XRN1: variants seen among roughly 807,000 people sequenced by gnomAD.
The protein encoded by XRN1 is strand-exchange protein 1 homolog.
XRN1 carries 67 observed loss-of-function variants against 222.3 expected under a neutral mutation model. The observed-to-expected ratio is 0.30, with a 90% CI of 0.25 to 0.37. The LOEUF (loss-of-function observed/expected upper bound fraction) is 0.37. Ranked by LOEUF, XRN1 falls within the 10% of genes least tolerant of loss-of-function variation. The pLI, the probability that XRN1 is intolerant of heterozygous loss-of-function variation, is 1.00. For synonymous variants in XRN1, 643 were observed against 652.4 expected (o/e 0.99, Z 0.22); for missense variants, 1,707 against 2,000.2 (o/e 0.85, Z 2.80).
At chr3:142,366,369 A>C (rs1364115513) in intron 27 of XRN1, among the ~76,000 whole-genome samples, 7 of 152,224 alleles carry the variant, frequency 4.6e-5, no homozygotes, top group African/African-American at 1.2e-4. Flanking sequence ...ATGTATTTAC[A>C]TACTATAAAA....
intron 32 of XRN1, 96 bp from the exon 33 acceptor site, chr3:142,347,438 A>C (rs1559804145): frequency 2.5e-6 from 2 of 805,340 alleles, no homozygotes; most frequent in Non-Finnish European, 3.6e-6. Context: ...TAAAAATTAT[A>C]TAGTTCCTTA....
intron 27 of XRN1, 54 bp downstream of exon 27, chr3:142,370,431 T>C (rs2066953292): frequency 1.4e-5 from 21 of 1,550,758 alleles, no homozygotes; most frequent in Admixed American, 8.5e-5. Context: ...TTGTAAAGTA[T>C]AGTCCATTTA....
chr3:142,327,464 T>C (rs1292096600), intron 37 of XRN1, among the ~76,000 whole-genome samples: 1 of 152,078 alleles, frequency 6.6e-6, no homozygotes. Flanking sequence ...TCATCTCTGA[T>C]TTTATTCATA....
At chr3:142,410,487 G>GTATTT (rs2068523793) in intron 15 of XRN1, among the ~76,000 whole-genome samples, 1 of 68,072 alleles carries the variant, frequency 1.5e-5, no homozygotes, top group Non-Finnish European at 2.6e-5. Flanking sequence ...TCTATCTCAT[G>GTATTT]TTTTTTTTTT....
At chr3:142,340,815 A>ATT (rs1403480529) in intron 33 of XRN1, among the ~76,000 whole-genome samples, 1 of 152,224 alleles carries the variant, frequency 6.6e-6, no homozygotes, top group Non-Finnish European at 1.5e-5. Context: ...CTATAATAGT[A>ATT]TATCTGACAA....
chr3:142,343,399 AGCTGAGATCGCACCATT>A (rs2066052871), intron 33 of XRN1, among the ~76,000 whole-genome samples: 1 of 152,012 alleles, frequency 6.6e-6, no homozygotes, highest in Non-Finnish European at 1.5e-5. Flanking sequence ...GATTTCAGTG[AGCTGAGATCGCACCATT>A]GCACTCCAGC....
intron 15 of XRN1, among the ~76,000 whole-genome samples, chr3:142,408,195 C>T (rs2068423790): frequency 6.6e-6 from 1 of 152,230 alleles, no homozygotes; most frequent in Admixed American, 6.5e-5. Context: ...CTTTTTGACA[C>T]TGTCAACACT....
At chr3:142,321,308 A>G (rs746042466) in intron 37 of XRN1, among the ~76,000 whole-genome samples, 2 of 151,830 alleles carry the variant, frequency 1.3e-5, no homozygotes, top group East Asian at 3.9e-4. Context: ...TTTAGTAGAG[A>G]CAGGGTTTCA....
chr3:142,356,542 T>C (rs1207398977), intron 31 of XRN1, among the ~76,000 whole-genome samples: 1 of 152,210 alleles, frequency 6.6e-6, no homozygotes, highest in African/African-American at 2.4e-5. Context: ...AAACGTGATA[T>C]AATCCTTGCC....
At chr3:142,382,506 C>T (rs1443707754) in intron 22 of XRN1, among the ~76,000 whole-genome samples, 5 of 152,146 alleles carry the variant, frequency 3.3e-5, no homozygotes, top group African/African-American at 1.2e-4. Context: ...GTAGTACCCT[C>T]AACCTGGTTC....
chr3:142,351,295 G>A (rs1230498044), intron 32 of XRN1, among the ~76,000 whole-genome samples: 2 of 152,152 alleles, frequency 1.3e-5, no homozygotes, highest in Non-Finnish European at 2.9e-5. Flanking sequence ...CAGCCAATGA[G>A]ACAGGAAGAA....
chr3:142,418,131 A>G (rs2068857362), intron 12 of XRN1: 2 of 189,982 alleles, frequency 1.1e-5, no homozygotes, highest in Admixed American at 6.0e-5. Flanking sequence ...CCAGTTTAGC[A>G]GTTCTGCAGA....
intron 23 of XRN1, among the ~76,000 whole-genome samples, chr3:142,377,983 T>C (rs1013233720): frequency 1.3e-5 from 2 of 152,188 alleles, no homozygotes; most frequent in Non-Finnish European, 2.9e-5. Flanking sequence ...CTGCCTTCCA[T>C]ACATAAAGTT....
At position 142,397,388 on chromosome 3, in the gene XRN1, A is replaced by T; in HGVS notation, c.2280T>A (p.Val760=). 1 of 1,610,134 alleles carries T rather than the reference A, an allele frequency of 6.2e-7. No homozygotes were observed. Among genetic ancestry groups the T allele is most frequent in the Non-Finnish European group, 8.5e-7 (1 of 1,177,756 alleles). ...TAGATTGTTCTTTATCTCCAAGATGAACCACTTTAGATGGTGGGGCAGTTC... is the reference window on the plus strand; with the variant it reads ...TAGATTGTTCTTTATCTCCAAGATGTACCACTTTAGATGGTGGGGCAGTTC... ...SGRTAPPSKV[V]HLGDKEQSNW... The change falls in exon 20 of 41, where the codon GTT becomes GTA. Residue 760 remains valine (V), a synonymous_variant. Transcript: ENST00000392981.
At chr3:142,336,335 T>C (rs185280262) in intron 33 of XRN1, among the ~76,000 whole-genome samples, 27 of 152,176 alleles carry the variant, frequency 1.8e-4, no homozygotes, top group East Asian at 1.2e-3. Context: ...TATAGCTATA[T>C]AGATCTACTA....
rs748888469 is a variant in XRN1, at chr3:142,423,682, T to A, written c.628-40A>T. ...TTAAGAAATGTTTTTATTCTCCCAT[T>A]TTTAATAATATTAGGTTCACAAAAG... On this transcript the variant is annotated intron_variant, in intron 5 of 40. Transcript: ENST00000392981. 4 of 1,493,676 alleles carry A rather than the reference T, an allele frequency of 2.7e-6. No individual in the cohort carries two copies. The East Asian group carries it at 9.5e-5, about 35-fold the overall frequency. 92.5% of individuals were successfully genotyped at this position (1,493,676 alleles called of 1,614,324 possible).
In XRN1 at chr3:142,315,204, G is replaced by A. The variant is rs566750500; in HGVS notation, c.4622-2446C>T. Among the ~76,000 whole-genome samples the A allele has an allele frequency of 3.5e-4, 53 of 152,012 alleles. 1 individual carries two copies. In the South Asian group the frequency reaches 0.011, roughly 30 times the overall value. On this transcript the variant is annotated intron_variant, in intron 39 of 40. Transcript: ENST00000392981. ...CTGAGCTCAGCCTCTCAAAGTGCTG[G>A]GATTACAGGTATGAGCCACCACACT...
intron 37 of XRN1, among the ~76,000 whole-genome samples, chr3:142,325,167 T>A (rs2065482006): frequency 6.6e-6 from 1 of 152,222 alleles, no homozygotes; most frequent in Non-Finnish European, 1.5e-5. Flanking sequence ...GTGGCTGTAC[T>A]AATTTACGTT....
chr3:142,440,506 C>G (rs1221629003), intron 1 of XRN1, among the ~76,000 whole-genome samples: 1 of 151,988 alleles, frequency 6.6e-6, no homozygotes, highest in African/African-American at 2.4e-5. Context: ...GATTCCACCT[C>G]CTTTCCCTAC....
Sources: gnomAD v4.1 joint callset for allele counts (sites outside exome capture counted in the v4.1 genomes callset) on GRCh38, gnomAD v4.1.1 for gene constraint, MANE v1.5 for transcripts, NCBI Gene and HGNC (gene_info 2026-07-23, HGNC 2026-07-21) for gene names.